The following AGBL4 variants were observed in gnomAD, a reference collection of about 807,000 sequenced individuals.
The protein encoded by AGBL4 is AGBL carboxypeptidase 4.
In AGBL4, 58 loss-of-function variants were observed where a neutral mutation model predicts 66.4. The observed-to-expected ratio is 0.87, with a 90% CI of 0.71 to 1.09. AGBL4 has a LOEUF of 1.09. Ranked by LOEUF, AGBL4 falls within the 50% of genes least tolerant of loss-of-function variation. AGBL4 has a pLI of 0.00. For synonymous variants in AGBL4, 234 were observed against 222.9 expected (o/e 1.05, Z -0.44); for missense variants, 579 against 631.0 (o/e 0.92, Z 0.88).
intron 3 of AGBL4, among the ~76,000 whole-genome samples, chr1:49,479,853 G>A (rs1646920291): frequency 6.6e-6 from 1 of 151,448 alleles, no homozygotes; most frequent in African/African-American, 2.4e-5. Context: ...GACTACAGGC[G>A]CCCGCCACCA....
At chr1:49,753,692 C>T (rs771855621) in intron 2 of AGBL4, among the ~76,000 whole-genome samples, 1 of 152,200 alleles carries the variant, frequency 6.6e-6, no homozygotes, top group African/African-American at 2.4e-5. Flanking sequence ...CTGCCCCTCA[C>T]TTTCAGGTAT....
At chr1:49,148,889 G>A (rs1646272377) in intron 4 of AGBL4, among the ~76,000 whole-genome samples, 2 of 152,138 alleles carry the variant, frequency 1.3e-5, no homozygotes, top group Admixed American at 1.3e-4. Flanking sequence ...CTGGGTAAGC[G>A]ATCACTTCTG....
At chr1:49,886,145 T>C (rs1006430817) in intron 1 of AGBL4, among the ~76,000 whole-genome samples, 2 of 152,190 alleles carry the variant, frequency 1.3e-5, no homozygotes, top group Non-Finnish European at 2.9e-5. Flanking sequence ...TTATAGTTAA[T>C]TACATATGCC....
intron 6 of AGBL4, among the ~76,000 whole-genome samples, chr1:48,824,027 A>G (rs1376766211): frequency 6.6e-6 from 1 of 152,044 alleles, no homozygotes; most frequent in Non-Finnish European, 1.5e-5. Flanking sequence ...CCTTCTCCCA[A>G]GATGTGTCAA....
chr1:48,831,853 G>A (rs1333124292), intron 6 of AGBL4, among the ~76,000 whole-genome samples: 1 of 152,192 alleles, frequency 6.6e-6, no homozygotes, highest in Non-Finnish European at 1.5e-5. Flanking sequence ...ATCTCTGCAA[G>A]GAAATCCATG....
At position 49,531,409 on chromosome 1, in the gene AGBL4, GACAGAGGAAACAAACCCTACTC is replaced by G. The variant is rs1376227855; in HGVS notation, c.282+165882_282+165903del. Reference sequence around the variant, plus strand: ...ATTCCCTAGACTTTACTGAAAGAATGACAGAGGAAACAAACCCTACTCTAGCAACCCTTTTAAATTCCAAAGT... The same window carrying G: ...ATTCCCTAGACTTTACTGAAAGAATGTAGCAACCCTTTTAAATTCCAAAGT... On this transcript the variant is annotated intron_variant, in intron 3 of 13. Coordinates refer to ENST00000371839, the MANE Select transcript of AGBL4 (RefSeq NM_032785.4). Among the ~76,000 whole-genome samples the G allele has an allele frequency of 3.9e-5, 6 of 152,092 alleles. No individual in the cohort carries two copies. In the East Asian group the frequency reaches 1.2e-3, roughly 29 times the overall value.
chr1:49,909,125 T>A (rs1421139042), intron 1 of AGBL4, among the ~76,000 whole-genome samples: 1 of 152,172 alleles, frequency 6.6e-6, no homozygotes, highest in Non-Finnish European at 1.5e-5. Flanking sequence ...AGTTTCTCCA[T>A]CTGTAAAATA....
chr1:49,698,293 T>C (rs771697214), intron 2 of AGBL4, among the ~76,000 whole-genome samples: 5 of 152,156 alleles, frequency 3.3e-5, no homozygotes, highest in African/African-American at 4.8e-5. Context: ...AATAGAAACA[T>C]GAAAATTTAT....
chr1:48,593,707 C>T (rs1429052585), intron 9 of AGBL4, among the ~76,000 whole-genome samples: 2 of 152,068 alleles, frequency 1.3e-5, no homozygotes, highest in East Asian at 1.9e-4. Context: ...GCCGAGATCA[C>T]GCCATTGCAC....
intron 5 of AGBL4, among the ~76,000 whole-genome samples, chr1:48,977,685 T>C (rs139075640): frequency 1.3e-5 from 2 of 152,276 alleles, no homozygotes; most frequent in Non-Finnish European, 2.9e-5. Flanking sequence ...GAGTTCCTTA[T>C]GCTACTAAGC....
chr1:49,616,332 T>G (rs893840772), intron 3 of AGBL4, among the ~76,000 whole-genome samples: 13 of 152,144 alleles, frequency 8.5e-5, no homozygotes, highest in African/African-American at 3.1e-4. Context: ...AGTAGATCAC[T>G]CTGTTCTCCT....
chr1:49,798,586 G>A (rs1397986903), intron 2 of AGBL4, among the ~76,000 whole-genome samples: 1 of 152,058 alleles, frequency 6.6e-6, no homozygotes, highest in Non-Finnish European at 1.5e-5. Context: ...CATTCCAAAT[G>A]TTTCTCTATG....
chr1:49,664,691 C>T (rs1202168575), intron 3 of AGBL4, among the ~76,000 whole-genome samples: 1 of 152,020 alleles, frequency 6.6e-6, no homozygotes, highest in Admixed American at 6.6e-5. Flanking sequence ...GTATCTTTGG[C>T]TCATATTCAG....
At chr1:49,531,057 C>T (rs1324097234) in intron 3 of AGBL4, among the ~76,000 whole-genome samples, 1 of 152,056 alleles carries the variant, frequency 6.6e-6, no homozygotes, top group African/African-American at 2.4e-5. Flanking sequence ...TCTATTCTTT[C>T]CCACAGTTTG....
chr1:49,229,117 C>G (rs1650118102), intron 4 of AGBL4, among the ~76,000 whole-genome samples: 1 of 152,124 alleles, frequency 6.6e-6, no homozygotes, highest in Non-Finnish European at 1.5e-5. Flanking sequence ...ACTCCTTCTT[C>G]AAGACTCAAC....
At chr1:48,835,485 T>C (rs761368468) in intron 6 of AGBL4, among the ~76,000 whole-genome samples, 15 of 152,086 alleles carry the variant, frequency 9.9e-5, no homozygotes, top group Non-Finnish European at 2.2e-4. Context: ...TATGAGTGCA[T>C]ATAGCAAAGG....
At chr1:49,415,514 A>G (rs1288668534) in intron 3 of AGBL4, among the ~76,000 whole-genome samples, 1 of 152,104 alleles carries the variant, frequency 6.6e-6, no homozygotes, top group African/African-American at 2.4e-5. Flanking sequence ...GCTAATAACT[A>G]GGTGAATTTG....
At chr1:48,916,822 T>C (rs1653624146) in intron 5 of AGBL4, among the ~76,000 whole-genome samples, 1 of 151,308 alleles carries the variant, frequency 6.6e-6, no homozygotes, top group Admixed American at 6.6e-5. Context: ...TTATTGTCAA[T>C]GCCTTTGATA....
intron 12 of AGBL4, among the ~76,000 whole-genome samples, chr1:48,539,117 G>A (rs1035313012): frequency 2.0e-5 from 3 of 152,196 alleles, no homozygotes; most frequent in African/African-American, 7.2e-5. Flanking sequence ...AGGACCCAAG[G>A]TAGAACTTCT....
Sources: allele counts gnomAD v4.1 joint callset (sites outside exome capture counted in the v4.1 genomes callset), GRCh38; gene constraint gnomAD v4.1.1; transcripts MANE v1.5; gene names NCBI Gene and HGNC (gene_info 2026-07-23, HGNC 2026-07-21).